MNAT1: variants seen among roughly 807,000 people sequenced by gnomAD.
MNAT1 encodes the protein CDK-activating kinase assembly factor MAT1.
In MNAT1, 43 loss-of-function variants were observed where a neutral mutation model predicts 42.0. The ratio of observed to expected loss-of-function variants is 1.02; its 90% CI spans 0.80 to 1.32. The LOEUF is 1.32. Among genes scored for constraint, MNAT1 ranks in the 40% most tolerant of loss-of-function variants. The pLI, the probability that MNAT1 is intolerant of heterozygous loss-of-function variation, is 0.00. For missense variants in MNAT1, 306 were observed against 350.4 expected (o/e 0.87, Z 1.01); for synonymous variants, 118 against 120.0 (o/e 0.98, Z 0.11).
chr14:60,947,230 C>G (rs2036294996), intron 7 of MNAT1, among the ~76,000 whole-genome samples: 1 of 151,954 alleles, frequency 6.6e-6, no homozygotes, highest in South Asian at 2.1e-4. Flanking sequence ...TCCTAGGACC[C>G]CAACATATAA....
Position 60,892,774 on chromosome 14 carries a change from T to A in MNAT1, c.809+12939T>A, listed in dbSNP as rs1017007039. Reference sequence around the variant, plus strand: ...TATTCTTGAGCTATTCTTTTGTCATTATGATGATTACATTTATTATCCTAA... The same window carrying A: ...TATTCTTGAGCTATTCTTTTGTCATAATGATGATTACATTTATTATCCTAA... On this transcript the variant is annotated intron_variant, in intron 7 of 7. Coordinates refer to ENST00000261245, the MANE Select transcript of MNAT1 (RefSeq NM_002431.4). Among the ~76,000 whole-genome samples, 65 of 152,236 alleles carry A rather than the reference T, an allele frequency of 4.3e-4. 1 individual carries two copies. Among genetic ancestry groups the A allele is most frequent in the African/African-American group, 1.4e-3 (58 of 41,566 alleles).
At chr14:60,883,535 T>A (rs527383118) in intron 7 of MNAT1, among the ~76,000 whole-genome samples, 1 of 152,240 alleles carries the variant, frequency 6.6e-6, no homozygotes, top group South Asian at 2.1e-4. Flanking sequence ...ATCTTTAAAG[T>A]TTCTTTAAAG....
At chr14:60,786,849 T>C (rs1451246771) in intron 1 of MNAT1, among the ~76,000 whole-genome samples, 1 of 152,242 alleles carries the variant, frequency 6.6e-6, no homozygotes, top group Non-Finnish European at 1.5e-5. Flanking sequence ...ATTTTAATAA[T>C]AGCCTTTTCA....
At chr14:60,966,197 G>A (rs781689536) in intron 7 of MNAT1, among the ~76,000 whole-genome samples, 11 of 151,656 alleles carry the variant, frequency 7.3e-5, no homozygotes, top group Non-Finnish European at 1.5e-4. Context: ...TGCGATCTCC[G>A]CTCACTGCAA....
At chr14:60,921,737 T>G (rs2035665441) in intron 7 of MNAT1, among the ~76,000 whole-genome samples, 1 of 152,194 alleles carries the variant, frequency 6.6e-6, no homozygotes, top group Non-Finnish European at 1.5e-5. Context: ...GTGAAGGTAA[T>G]GTTGCCATGG....
chr14:60,781,678 G>T (rs979502014), intron 1 of MNAT1, among the ~76,000 whole-genome samples: 1 of 151,904 alleles, frequency 6.6e-6, no homozygotes, highest in African/African-American at 2.4e-5. Context: ...GGAAATTTCT[G>T]CCCTGATCTC....
At chr14:60,907,954 A>G (rs1221830962) in intron 7 of MNAT1, among the ~76,000 whole-genome samples, 1 of 152,152 alleles carries the variant, frequency 6.6e-6, no homozygotes, top group Non-Finnish European at 1.5e-5. Context: ...TTCTTCAGAT[A>G]AGAAACTTTT....
chr14:60,953,457 A>G (rs1051240004), intron 7 of MNAT1, among the ~76,000 whole-genome samples: 1 of 152,160 alleles, frequency 6.6e-6, no homozygotes. Context: ...GGGTTGGGAA[A>G]GGAGAGGTAC....
chr14:60,841,800 C>T (rs74053827), intron 6 of MNAT1, among the ~76,000 whole-genome samples: 3,835 of 152,296 alleles, frequency 0.025, 176 homozygotes, highest in African/African-American at 0.088. Flanking sequence ...TGTACAAGAA[C>T]AGATTTTAAT....
At chr14:60,766,250 A>C (rs2030811749) in intron 1 of MNAT1, among the ~76,000 whole-genome samples, 4 of 151,800 alleles carry the variant, frequency 2.6e-5, no homozygotes, top group Admixed American at 2.6e-4. Flanking sequence ...TGGGAGGCGT[A>C]GACAGAGAAT....
intron 6 of MNAT1, among the ~76,000 whole-genome samples, chr14:60,837,702 C>G (rs1160994411): frequency 1.3e-5 from 2 of 152,226 alleles, no homozygotes; most frequent in Non-Finnish European, 2.9e-5. Flanking sequence ...TAATCAGAGC[C>G]TCTCCTAGAT....
chr14:60,845,648 C>T (rs1374172248), intron 6 of MNAT1, among the ~76,000 whole-genome samples: 1 of 152,082 alleles, frequency 6.6e-6, no homozygotes, highest in African/African-American at 2.4e-5. Context: ...AGTTTATCAC[C>T]TGCAGAAGAT....
intron 7 of MNAT1, among the ~76,000 whole-genome samples, chr14:60,949,195 G>T (rs1057039348): frequency 6.6e-6 from 1 of 152,046 alleles, no homozygotes; most frequent in Non-Finnish European, 1.5e-5. Context: ...AATATATCAA[G>T]AATAAACTTT....
At chr14:60,810,368 C>A (rs2032505427) in intron 4 of MNAT1, among the ~76,000 whole-genome samples, 1 of 150,996 alleles carries the variant, frequency 6.6e-6, no homozygotes. Flanking sequence ...TATTTTAATC[C>A]TTTGTTCTGC....
intron 6 of MNAT1, among the ~76,000 whole-genome samples, chr14:60,842,054 A>G (rs191259592): frequency 6.6e-6 from 1 of 152,364 alleles, no homozygotes; most frequent in East Asian, 1.9e-4. Flanking sequence ...GAAATTCTCT[A>G]GAGCAGAGGT....
chr14:60,819,492 A>C (rs1275895162), intron 6 of MNAT1, among the ~76,000 whole-genome samples: 1 of 152,040 alleles, frequency 6.6e-6, no homozygotes, highest in African/African-American at 2.4e-5. Flanking sequence ...GTAGCATTCA[A>C]ATTCCTAATT....
chr14:60,771,161 C>T (rs947120340), intron 1 of MNAT1, among the ~76,000 whole-genome samples: 1 of 152,072 alleles, frequency 6.6e-6, no homozygotes, highest in South Asian at 2.1e-4. Flanking sequence ...CTCCTATCAG[C>T]AGTATGGAGG....
intron 7 of MNAT1, among the ~76,000 whole-genome samples, chr14:60,938,691 C>A (rs1169407127): frequency 1.3e-5 from 2 of 152,072 alleles, no homozygotes; most frequent in Non-Finnish European, 2.9e-5. Flanking sequence ...GTCTAAAATT[C>A]TCTTTTTTTG....
intron 6 of MNAT1, among the ~76,000 whole-genome samples, chr14:60,872,857 CACACACACACACAT>C (rs1336187587): frequency 4.8e-5 from 7 of 146,906 alleles, no homozygotes; most frequent in South Asian, 4.2e-4. Context: ...CACACACACA[CACACACACACACAT>C]ATATATATGC....
Sources: allele counts gnomAD v4.1 joint callset (sites outside exome capture counted in the v4.1 genomes callset), GRCh38; gene constraint gnomAD v4.1.1; transcripts MANE v1.5; gene names NCBI Gene and HGNC (gene_info 2026-07-23, HGNC 2026-07-21).